CATSPERB: variants seen among roughly 807,000 people sequenced by gnomAD.
The protein encoded by CATSPERB is cation channel sperm-associated auxiliary subunit beta.
CATSPERB carries 93 observed loss-of-function variants against 128.3 expected under a neutral mutation model. The observed-to-expected ratio is 0.72, with a 90% CI of 0.61 to 0.86. The LOEUF is 0.86. Ranked by LOEUF, CATSPERB falls within the 40% of genes least tolerant of loss-of-function variation. The pLI is 0.00. For missense variants in CATSPERB, 1,153 were observed against 1,329.5 expected (o/e 0.87, Z 2.06); for synonymous variants, 381 against 448.8 (o/e 0.85, Z 1.91).
intron 26 of CATSPERB, among the ~76,000 whole-genome samples, chr14:91,582,512 A>G (rs1388712470): frequency 6.6e-6 from 1 of 152,218 alleles, no homozygotes. Context: ...GTAAATCCAC[A>G]TACCGAATTC....
At chr14:91,676,188 G>T in intron 11 of CATSPERB, among the ~76,000 whole-genome samples, 1 of 152,128 alleles carries the variant, frequency 6.6e-6, no homozygotes, top group African/African-American at 2.4e-5. Context: ...TCCTGACTGT[G>T]TGGCAAAATT....
At position 91,693,173 on chromosome 14, in the gene CATSPERB, G is replaced by C. The variant is rs1260910566; in HGVS notation, c.784C>G (p.Leu262Val). The change falls in exon 9 of 27, where the codon CTT (leucine) becomes GTT (valine). Residue 262 changes from leucine to valine, a missense_variant. Transcript: ENST00000256343. ...HFLVILTSLGLFVSEDLRYPS... is the reference protein window; with the variant it reads ...HFLVILTSLGVFVSEDLRYPS... ...TAACGAAGATCTTCACTTACAAAAAGGCCCAAAGAGGTGAGGATAACTAAA... is the reference window on the plus strand; with the variant it reads ...TAACGAAGATCTTCACTTACAAAAACGCCCAAAGAGGTGAGGATAACTAAA... The C allele has an allele frequency of 1.2e-6, 2 of 1,613,688 alleles. No homozygotes were observed. The highest frequency in any genetic ancestry group is 2.7e-5 in the African/African-American group (2 of 74,884).
At chr14:91,681,589 G>GA (rs1273414721) in intron 11 of CATSPERB, among the ~76,000 whole-genome samples, 1 of 152,158 alleles carries the variant, frequency 6.6e-6, no homozygotes, top group Non-Finnish European at 1.5e-5. Flanking sequence ...AATGAATTAA[G>GA]AATTAAACAA....
Position 91,586,540 on chromosome 14 carries a change from G to A in CATSPERB, c.3132+662C>T, listed in dbSNP as rs533999681. ...TTGGAGCTGGCCTTAGAGCTGGGCC[G>A]GAACAGGAGAGAGAGAGAGAGAGAG... is the stretch of plus-strand genomic sequence containing the variant. On this transcript the variant is annotated intron_variant, in intron 26 of 26. Transcript: ENST00000256343. Among the ~76,000 whole-genome samples the A allele has an allele frequency of 5.1e-3, 318 of 62,442 alleles. 1 individual carries two copies. Among genetic ancestry groups the A allele is most frequent in the South Asian group, 0.032 (56 of 1,746 alleles). The allele number at this position is 62,442 out of a possible 152,430, so 41.0% of individuals were successfully genotyped here.
intron 20 of CATSPERB, 45 bp from the exon 21 acceptor site, chr14:91,610,722 T>C (rs368180979): frequency 4.5e-6 from 7 of 1,562,934 alleles, no homozygotes; most frequent in Middle Eastern, 1.7e-4. Flanking sequence ...GTAACTGTTA[T>C]GGACTGAACT....
rs1431007189 is a variant in CATSPERB at position 91,693,468 on chromosome 14, C to T, written c.628G>A (p.Gly210Ser). Residue 210 changes from glycine to serine, a missense_variant, in exon 8 of 27, where the codon GGC (glycine) becomes AGC (serine). Gly to Ser is a moderately conservative substitution (Grantham distance 56, BLOSUM62 0). Coordinates refer to ENST00000256343, the MANE Select transcript of CATSPERB (RefSeq NM_024764.4). ...VDTIVDGVYI[G>S]ITFGGFWHDY... ...TGCCAGAATCCACCAAAGGTTATGC[C>T]TATGTAAACACCTACCATGAAACAA... is the stretch of plus-strand genomic sequence containing the variant. The T allele has an allele frequency of 1.2e-6, 2 of 1,613,456 alleles. No individual in the cohort carries two copies. The highest frequency in any genetic ancestry group is 2.2e-5 in the South Asian group (2 of 90,988).
intron 1 of CATSPERB, 63 bp downstream of exon 1, chr14:91,731,867 T>C (rs1047801079): frequency 6.6e-6 from 1 of 152,338 alleles, no homozygotes; most frequent in Admixed American, 6.5e-5. Context: ...TATGGAATAG[T>C]GATCACATTA....
At chr14:91,619,499 A>T (rs1036840584) in intron 19 of CATSPERB, among the ~76,000 whole-genome samples, 4 of 151,822 alleles carry the variant, frequency 2.6e-5, no homozygotes, top group Non-Finnish European at 5.9e-5. Flanking sequence ...CAAAACTTCT[A>T]ATTTTCACTT....
chr14:91,707,575 CTTTTTTTTTTTTTTTTTTTTTTTTTTT>C (rs539712771), intron 6 of CATSPERB, among the ~76,000 whole-genome samples: 2 of 58,254 alleles, frequency 3.4e-5, no homozygotes, highest in East Asian at 5.3e-4. Flanking sequence ...TATGTACTTC[CTTTTTTTTTTTTTTTTTTTTTTTTTTT>C]TTTTTTTTTT....
chr14:91,648,776 C>A (rs1894652042), intron 15 of CATSPERB, among the ~76,000 whole-genome samples: 1 of 152,044 alleles, frequency 6.6e-6, no homozygotes, highest in South Asian at 2.1e-4. Flanking sequence ...TTTTTTCTCT[C>A]CACTTTAGCT....
chr14:91,658,104 TC>T (rs1894816519), intron 15 of CATSPERB, among the ~76,000 whole-genome samples: 1 of 152,204 alleles, frequency 6.6e-6, no homozygotes, highest in Non-Finnish European at 1.5e-5. Flanking sequence ...GTAGTACTAT[TC>T]ACAACAGTGA....
intron 13 of CATSPERB, 78 bp from the exon 14 acceptor site, chr14:91,670,050 G>T: frequency 2.4e-6 from 3 of 1,225,214 alleles, no homozygotes; most frequent in African/African-American, 1.5e-5. Context: ...CTTGCATTTT[G>T]ATTAAGAGAG....
intron 10 of CATSPERB, among the ~76,000 whole-genome samples, chr14:91,690,502 C>T (rs1474356308): frequency 2.0e-5 from 3 of 152,178 alleles, no homozygotes; most frequent in Non-Finnish European, 4.4e-5. Context: ...GGTAAACCCT[C>T]CCAATGTCTT....
At chr14:91,614,721 A>G (rs1323122679) in intron 20 of CATSPERB, among the ~76,000 whole-genome samples, 1 of 152,160 alleles carries the variant, frequency 6.6e-6, no homozygotes, top group Non-Finnish European at 1.5e-5. Context: ...GCTTGAGCAC[A>G]GGAGGTCAAG....
intron 26 of CATSPERB, among the ~76,000 whole-genome samples, chr14:91,584,989 T>TTTC (rs199499291): frequency 3.9e-4 from 59 of 151,256 alleles, no homozygotes; most frequent in Admixed American, 2.3e-3. Context: ...ATTTCTTTCC[T>TTTC]TTCTTCTTCT....
chr14:91,625,333 C>G (rs990579576), intron 17 of CATSPERB, among the ~76,000 whole-genome samples: 2 of 152,050 alleles, frequency 1.3e-5, no homozygotes, highest in Non-Finnish European at 2.9e-5. Context: ...GCATTAGGAG[C>G]GTGCTAACCT....
rs1895376367 is a variant in CATSPERB at position 91,686,367 on chromosome 14, T to C, written c.865-2424A>G. Among the ~76,000 whole-genome samples, 3 of 152,334 alleles carry C rather than the reference T, an allele frequency of 2.0e-5. No individual in the cohort carries two copies. In the South Asian group the frequency reaches 6.2e-4, roughly 32 times the overall value. ...GCTCAACAAATATTTGTTGAATGGA[T>C]GAGACTTACTGAATGAATAAATCAT... On this transcript the variant is annotated intron_variant, in intron 10 of 26. Coordinates refer to ENST00000256343, the MANE Select transcript of CATSPERB (RefSeq NM_024764.4).
At chr14:91,589,728 T>G in intron 23 of CATSPERB, 59 bp from the exon 24 acceptor site, 1 of 1,549,300 alleles carries the variant, frequency 6.5e-7, no homozygotes, top group Non-Finnish European at 8.8e-7. Context: ...TCACTTCATT[T>G]CCTGGTAAAA....
intron 21 of CATSPERB, among the ~76,000 whole-genome samples, chr14:91,609,241 G>A (rs1030121231): frequency 3.3e-5 from 5 of 151,844 alleles, no homozygotes; most frequent in Admixed American, 3.3e-4. Context: ...CTGCCTCTTG[G>A]GAGTACTTCC....
Sources: allele counts gnomAD v4.1 joint callset (sites outside exome capture counted in the v4.1 genomes callset), GRCh38; gene constraint gnomAD v4.1.1; transcripts MANE v1.5; gene names NCBI Gene and HGNC (gene_info 2026-07-23, HGNC 2026-07-21).